Variants in PEBP1 observed in about 807,000 individuals in gnomAD.
PEBP1 encodes phosphatidylethanolamine binding protein 1.
PEBP1 carries 17 observed loss-of-function variants against 22.7 expected under a neutral mutation model. That is an observed-to-expected ratio of 0.75 (90% CI 0.51 to 1.12). The LOEUF (loss-of-function observed/expected upper bound fraction) is 1.12, where lower values mean the gene tolerates loss of function less well. Ranked by LOEUF, PEBP1 falls within the 50% of genes most tolerant of loss-of-function variation. PEBP1 has a pLI of 0.00. For missense variants in PEBP1, 205 were observed against 243.5 expected, an observed-to-expected ratio of 0.84 and a Z score of 1.05; for synonymous variants, 106 against 104.3, an observed-to-expected ratio of 1.02 and a Z score of -0.10.
chr12:118,144,718 T>A lies in PEBP1; in HGVS notation c.479T>A (p.Leu160His). The A allele has an allele frequency of 6.2e-7, 1 of 1,614,022 alleles. No homozygotes were observed. Among genetic ancestry groups the A allele is most frequent in the African/African-American group, 1.3e-5 (1 of 74,980 alleles). ...KVASFRKKYE[L>H]RAPVAGTCYQ... Reference sequence around the variant, plus strand: ...GCGTCCTTCCGTAAAAAGTATGAGCTCAGGGCCCCGGTGGCTGGCACGTGT... The same window carrying A: ...GCGTCCTTCCGTAAAAAGTATGAGCACAGGGCCCCGGTGGCTGGCACGTGT... Residue 160 changes from leucine (L) to histidine (H), a missense_variant, in exon 4 of 4, where the codon CTC (leucine) becomes CAC (histidine). Transcript: ENST00000261313.
intron 2 of PEBP1, chr12:118,139,222 G>T (rs1428387769): frequency 7.9e-6 from 3 of 382,022 alleles, no homozygotes; most frequent in African/African-American, 6.4e-5. Context: ...CTGAGGCAGA[G>T]AATTGCTTGA....
rs190033546 is a variant in PEBP1 at position 118,144,923 on chromosome 12, C to A, written c.*120C>A. The A allele has an allele frequency of 1.3e-6, 2 of 1,562,566 alleles. No individual in the cohort carries two copies. Among genetic ancestry groups the A allele is most frequent in the Non-Finnish European group, 1.7e-6 (2 of 1,160,590 alleles). On this transcript the variant is annotated 3_prime_UTR_variant, in exon 4 of 4. Transcript: ENST00000261313. The stretch of plus-strand genomic sequence containing the variant: ...CCCCTTGGCATGGGTGAGACCTGAC[C>A]AGTCAGATGGTAGTTGAGGGTGACT...
chr12:118,141,190 C>T (rs571305622), intron 3 of PEBP1, among the ~76,000 whole-genome samples: 2 of 152,026 alleles, frequency 1.3e-5, no homozygotes, highest in African/African-American at 4.8e-5. Context: ...GATCTCGGCT[C>T]ACTACAACCT....
rs775241328 is a variant in PEBP1, at chr12:118,137,998, C to T, written c.136-41C>T. The T allele has an allele frequency of 9.4e-6, 13 of 1,387,684 alleles. No individual in the cohort carries two copies. The Admixed American group carries it at 1.6e-4, about 17-fold the overall frequency. The allele number at this position is 1,387,684 out of a possible 1,614,324, so 86.0% of individuals were successfully genotyped here. The stretch of plus-strand genomic sequence containing the variant: ...CACCACACCCAGCCAGTTTCTTCAG[C>T]ATTTCTGACTTTTTTACTGCAAACT... On this transcript the variant is annotated intron_variant, in intron 1 of 3. Transcript: ENST00000261313.
intron 3 of PEBP1, among the ~76,000 whole-genome samples, chr12:118,140,056 G>GCACA (rs3074167): frequency 3.3e-5 from 5 of 151,138 alleles, no homozygotes; most frequent in Admixed American, 2.6e-4. Flanking sequence ...TATTGAAGGC[G>GCACA]CACACACACA....
In PEBP1 at chr12:118,136,434, G is replaced by A; in HGVS notation, c.135+90G>A. ...GGGACCCAGCGGAGACAGGGCCAGGGGCGGTGGGGAGGTTCAGCCTGCGTG... is the reference window on the plus strand; with the variant it reads ...GGGACCCAGCGGAGACAGGGCCAGGAGCGGTGGGGAGGTTCAGCCTGCGTG... On this transcript the variant is annotated intron_variant, in intron 1 of 3. Coordinates refer to ENST00000261313, the MANE Select transcript of PEBP1 (RefSeq NM_002567.4). The surrounding 1 kb of genome is among the most constrained non-coding windows in gnomAD (Gnocchi z 5.6). 7.1e-7 allele frequency: 1 copy of A among 1,414,592 alleles called. No individual in the cohort carries two copies. Among genetic ancestry groups the A allele is most frequent in the East Asian group, 2.6e-5 (1 of 38,646 alleles). 87.6% of individuals were successfully genotyped at this position (1,414,592 alleles called of 1,614,324 possible).
At chr12:118,138,695 C>G (rs2034088304) in intron 2 of PEBP1, among the ~76,000 whole-genome samples, 1 of 152,080 alleles carries the variant, frequency 6.6e-6, no homozygotes, top group Non-Finnish European at 1.5e-5. Flanking sequence ...TATGCCCGGC[C>G]TGGTTTTCAC....
intron 3 of PEBP1, 29 bp from the exon 4 acceptor site, chr12:118,144,557 G>A: frequency 6.3e-7 from 1 of 1,593,432 alleles, no homozygotes; most frequent in Non-Finnish European, 8.6e-7. Flanking sequence ...TGGGCTGTGT[G>A]TACATCTTCC....
chr12:118,139,668 T>G, intron 3 of PEBP1, 117 bp downstream of exon 3: 2 of 622,974 alleles, frequency 3.2e-6, no homozygotes, highest in Non-Finnish European at 2.9e-6. Flanking sequence ...CATCTCAGCT[T>G]ACCTCTAGGG....
chr12:118,143,368 A>G (rs1052686713), intron 3 of PEBP1, among the ~76,000 whole-genome samples: 3 of 152,134 alleles, frequency 2.0e-5, no homozygotes, highest in Admixed American at 6.5e-5. Flanking sequence ...AATGTTCTCA[A>G]GGTTCTCTGG....
intron 3 of PEBP1, among the ~76,000 whole-genome samples, chr12:118,143,224 A>T (rs963675974): frequency 6.6e-6 from 1 of 152,100 alleles, no homozygotes; most frequent in East Asian, 1.9e-4. Context: ...GTCCCCATTG[A>T]CCAACAGCTC....
At chr12:118,139,975 T>C (rs2034100936) in intron 3 of PEBP1, among the ~76,000 whole-genome samples, 1 of 152,212 alleles carries the variant, frequency 6.6e-6, no homozygotes, top group Non-Finnish European at 1.5e-5. Flanking sequence ...TAAGGTTGCT[T>C]TCTGTATTTG....
chr12:118,142,833 T>G (rs1211377401), intron 3 of PEBP1, among the ~76,000 whole-genome samples: 5,924 of 40,816 alleles, frequency 0.15, 235 homozygotes, highest in Middle Eastern at 0.17. Flanking sequence ...TCACTTTTTT[T>G]TTTTTTTTTT....
chr12:118,144,393 C>A (rs748897889), intron 3 of PEBP1, among the ~76,000 whole-genome samples, 193 bp from the exon 4 acceptor site: 7 of 152,038 alleles, frequency 4.6e-5, no homozygotes, highest in Non-Finnish European at 8.8e-5. Flanking sequence ...AAAGTAATTG[C>A]GGTTTTTGCC....
chr12:118,142,295 C>T (rs1359069972), intron 3 of PEBP1, among the ~76,000 whole-genome samples: 4 of 146,478 alleles, frequency 2.7e-5, no homozygotes, highest in Non-Finnish European at 4.5e-5. Context: ...CAGGTTTAAG[C>T]GATTCTCCTG....
chr12:118,144,527 G>A, intron 3 of PEBP1, 59 bp from the exon 4 acceptor site: 10 of 1,493,750 alleles, frequency 6.7e-6, no homozygotes, highest in Non-Finnish European at 8.2e-6. Context: ...AAAAATGGAT[G>A]ATGTCCCCAT....
chr12:118,139,408 CCTGATCTCCTGTGGTGCT>C (rs755013956), intron 2 of PEBP1, 25 bp from the exon 3 acceptor site: 15 of 1,383,184 alleles, frequency 1.1e-5, no homozygotes, highest in Non-Finnish European at 1.4e-5. Flanking sequence ...GTGAATGTTC[CCTGATCTCCTGTGGTGCT>C]GACATCCCGT....
rs1566199224 is a variant in PEBP1, at chr12:118,138,157, T to C, written c.245+9T>C. The C allele has an allele frequency of 6.4e-7, 1 of 1,571,944 alleles. No homozygotes were observed. Among genetic ancestry groups the C allele is most frequent in the Admixed American group, 1.7e-5 (1 of 59,618 alleles). ...AAGGATCCCAAATACAGGTGAGAGGTGAGAAAGACGAGAAGAGCAGGTCAT... is the reference window on the plus strand; with the variant it reads ...AAGGATCCCAAATACAGGTGAGAGGCGAGAAAGACGAGAAGAGCAGGTCAT... On this transcript the variant is annotated intron_variant, in intron 2 of 3. Coordinates refer to ENST00000261313, the MANE Select transcript of PEBP1 (RefSeq NM_002567.4).
At position 118,145,163 on chromosome 12, in the gene PEBP1, AG is replaced by A; in HGVS notation, c.*362del. Reference sequence around the variant, plus strand: ...CAAAGCATCAAAGAATCTTTAAGGGAGGTTTAAAAAAAAAAAAAAAAAAAAA... The same window carrying A: ...CAAAGCATCAAAGAATCTTTAAGGGAGTTTAAAAAAAAAAAAAAAAAAAAA... On this transcript the variant is annotated 3_prime_UTR_variant, in exon 4 of 4. Transcript: ENST00000261313. 3.8e-6 allele frequency: 1 copy of A among 265,582 alleles called. No individual in the cohort carries two copies. The highest frequency in any genetic ancestry group is 7.1e-6 in the Non-Finnish European group (1 of 140,092). The allele number at this position is 265,582 out of a possible 1,614,324, so 16.5% of individuals were successfully genotyped here.
Sources: gnomAD v4.1 joint callset for allele counts (sites outside exome capture counted in the v4.1 genomes callset) on GRCh38, gnomAD v4.1.1 for gene constraint, Gnocchi (gnomAD v3.1) non-coding constraint, MANE v1.5 for transcripts, NCBI Gene and HGNC (gene_info 2026-07-23, HGNC 2026-07-21) for gene names.